Variants in POF1B observed in about 807,000 individuals in gnomAD.
POF1B encodes the protein protein POF1B.
Under a neutral mutation model 55.3 loss-of-function variants are expected in POF1B, and 53 were observed. That is an observed-to-expected ratio of 0.96 (90% confidence interval 0.77 to 1.20). POF1B has a LOEUF of 1.20. Ranked by LOEUF, POF1B falls within the 50% of genes most tolerant of loss-of-function variation. The pLI, the probability that POF1B is intolerant of heterozygous loss-of-function variation, is 0.00. For missense variants in POF1B, 478 were observed against 420.5 expected (o/e 1.14, Z -1.20); for synonymous variants, 188 against 148.3 (o/e 1.27, Z -1.95).
At chrX:85,314,642 G>T (rs902380478) in intron 8 of POF1B, 136 bp from the exon 9 acceptor site, 1 of 345,467 alleles carries the variant, frequency 2.9e-6, no homozygotes, top group Non-Finnish European at 4.8e-6. Context: ...CAGTTTCTAT[G>T]AGTTTAATTT....
Position 85,282,460 on chromosome X carries a change from T to TA in POF1B, c.1650-144dup, listed in dbSNP as rs936706852. On this transcript the variant is annotated intron_variant, in intron 15 of 16. Transcript: ENST00000262753. ...AACTGTTACTGAAAAAACAAAAAAA[T>TA]AAAAAAACCCTATTTCAATGGACAG... 50 of 317,976 alleles carry TA rather than the reference T, an allele frequency of 1.6e-4. No homozygotes were observed. The Middle Eastern group carries it at 4.3e-3, about 27-fold the overall frequency. The allele number at this position is 317,976 out of a possible 1,213,427, so 26.2% of individuals were successfully genotyped here. A position where few individuals can be genotyped will look rare whatever the true frequency, so the allele number is the denominator to read the frequency against.
intron 6 of POF1B, among the ~76,000 whole-genome samples, chrX:85,336,142 A>G (rs1420250289): frequency 9.0e-6 from 1 of 111,046 alleles, no homozygotes; most frequent in Non-Finnish European, 1.9e-5. Context: ...TTCACTTACT[A>G]TAATGTCCTC....
chrX:85,362,085 A>T (rs771301225), intron 3 of POF1B, among the ~76,000 whole-genome samples: 1 of 110,505 alleles, frequency 9.0e-6, no homozygotes, highest in East Asian at 2.9e-4. Context: ...GATTTTGCAC[A>T]TTGATTTGGT....
intron 6 of POF1B, among the ~76,000 whole-genome samples, chrX:85,340,382 A>C (rs989673664): frequency 1.8e-5 from 2 of 111,064 alleles, no homozygotes. Context: ...AATGGAAACC[A>C]GTGTGGCTTA....
intron 15 of POF1B, among the ~76,000 whole-genome samples, chrX:85,297,997 G>A (rs781269441): frequency 7.1e-5 from 8 of 112,288 alleles, no homozygotes; most frequent in Non-Finnish European, 1.5e-4. Context: ...CAACCTTGGG[G>A]CATTGGAACC....
chrX:85,304,613 T>C (rs1932530971), intron 13 of POF1B, 142 bp from the exon 14 acceptor site: 1 of 290,382 alleles, frequency 3.4e-6, no homozygotes, highest in Non-Finnish European at 5.7e-6. Flanking sequence ...GTTCGAAGAA[T>C]TTCATGAGTA....
At position 85,299,671 on chromosome X, in the gene POF1B, A is replaced by AT. The variant is rs1201515013; in HGVS notation, c.1649+3734dup. On this transcript the variant is annotated intron_variant, in intron 15 of 16. Coordinates refer to ENST00000262753, the MANE Select transcript of POF1B (RefSeq NM_024921.4). ...AGGTGCCCGCCACCACGCCTGGCTA[A>AT]TTTTTTTTTTGTATTTTTAGTAGAG... Among the ~76,000 whole-genome samples the AT allele has an allele frequency of 1.7e-3, 148 of 87,861 alleles. 1 individual carries two copies. The highest frequency in any genetic ancestry group is 3.5e-3 in the African/African-American group (82 of 23,200). The allele number at this position is 87,861 out of a possible 115,157, so 76.3% of individuals were successfully genotyped here.
At chrX:85,299,479 C>T (rs113325203) in intron 15 of POF1B, among the ~76,000 whole-genome samples, 3 of 100,356 alleles carry the variant, frequency 3.0e-5, no homozygotes, top group African/African-American at 3.8e-5. Context: ...TAGTAGAGAC[C>T]GGGTTTCACC....
In POF1B at chrX:85,279,086, C is replaced by A; in HGVS notation, c.*335G>T. 1 of 174,047 alleles carries A rather than the reference C, an allele frequency of 5.7e-6. No homozygotes were observed. Among genetic ancestry groups the A allele is most frequent in the Non-Finnish European group, 1.1e-5 (1 of 92,647 alleles). The allele number at this position is 174,047 out of a possible 1,213,427, so 14.3% of individuals were successfully genotyped here. On this transcript the variant is annotated 3_prime_UTR_variant, in exon 17 of 17. Coordinates refer to ENST00000262753, the MANE Select transcript of POF1B (RefSeq NM_024921.4). ...ATGACTTGTAAAATCTCTACCCCAACAAATTAGTTTGATATCTAGGAGTTA... is the reference window on the plus strand; with the variant it reads ...ATGACTTGTAAAATCTCTACCCCAAAAAATTAGTTTGATATCTAGGAGTTA...
At chrX:85,320,329 TC>T (rs1251182133) in intron 7 of POF1B, among the ~76,000 whole-genome samples, 1 of 110,435 alleles carries the variant, frequency 9.1e-6, no homozygotes, top group East Asian at 2.8e-4. Flanking sequence ...AACAACCTGC[TC>T]CTGAATGACT....
chrX:85,291,754 T>C (rs2147894473), intron 15 of POF1B, among the ~76,000 whole-genome samples: 1 of 111,096 alleles, frequency 9.0e-6, no homozygotes, highest in African/African-American at 3.3e-5. Flanking sequence ...ATGCTAGTGA[T>C]TTTTGCATAT....
rs764819350 is a variant in POF1B at position 85,302,503 on chromosome X, C to A, written c.1649+903G>T. On this transcript the variant is annotated intron_variant, in intron 15 of 16. Coordinates refer to ENST00000262753, the MANE Select transcript of POF1B (RefSeq NM_024921.4). ...ACACTACTAGGAATGTATGATGGTG[C>A]TTTTGCTTTAGAAAACAGTATGGCA... is the stretch of plus-strand genomic sequence containing the variant. Among the ~76,000 whole-genome samples the A allele has an allele frequency of 4.5e-5, 5 of 110,926 alleles. No individual in the cohort carries two copies. In the South Asian group the frequency reaches 1.9e-3, roughly 42 times the overall value.
intron 2 of POF1B, among the ~76,000 whole-genome samples, chrX:85,370,429 G>A (rs1336281001): frequency 9.0e-6 from 1 of 111,582 alleles, no homozygotes. Flanking sequence ...AAACATTAGA[G>A]AACAAATATA....
Position 85,331,006 on chromosome X carries a change from C to A in POF1B, c.797G>T (p.Arg266Leu). ...GCAGTGATATAGATCCGTATTCTTACGGCTCAGATCAGCAAGCAACTCTCC... is the reference window on the plus strand; with the variant it reads ...GCAGTGATATAGATCCGTATTCTTAAGGCTCAGATCAGCAAGCAACTCTCC... ...YFGELLADLS[R>L]KNTDLYHCLL... The change falls in exon 7 of 17, where the codon CGT becomes CTT. Residue 266 changes from arginine to leucine, a missense_variant. Arg to Leu is a moderately radical substitution (Grantham distance 102). Coordinates refer to ENST00000262753, the MANE Select transcript of POF1B (RefSeq NM_024921.4). 8.3e-7 allele frequency: 1 copy of A among 1,204,304 alleles called. No individual in the cohort carries two copies. The highest frequency in any genetic ancestry group is 1.1e-6 in the Non-Finnish European group (1 of 891,040).
chrX:85,369,161 C>A (rs995605967), intron 2 of POF1B, among the ~76,000 whole-genome samples: 5 of 111,826 alleles, frequency 4.5e-5, no homozygotes, highest in Non-Finnish European at 7.5e-5. Flanking sequence ...TTCTAGGAAT[C>A]TTTTGCATAT....
At chrX:85,369,519 T>C (rs752247940) in intron 2 of POF1B, among the ~76,000 whole-genome samples, 1 of 111,908 alleles carries the variant, frequency 8.9e-6, no homozygotes, top group East Asian at 2.8e-4. Flanking sequence ...TATGTATAAA[T>C]AGTAATATTA....
intron 14 of POF1B, 77 bp downstream of exon 14, chrX:85,304,266 A>G (rs1932521701): frequency 4.3e-6 from 4 of 934,728 alleles, no homozygotes; most frequent in Non-Finnish European, 5.5e-6. Flanking sequence ...TTTCTAGTCC[A>G]TGGGAAGTAT....
chrX:85,367,786 G>T lies in POF1B; in HGVS notation c.283-20C>A, dbSNP rs2147949957. The T allele has an allele frequency of 4.9e-6, 5 of 1,019,472 alleles. No homozygotes were observed. Among genetic ancestry groups the T allele is most frequent in the Middle Eastern group, 2.7e-4 (1 of 3,772 alleles). 84.0% of individuals were successfully genotyped at this position (1,019,472 alleles called of 1,213,427 possible). ...GAGTTCCTGTTAAGAGAAACAAAAG[G>T]GAGTTCAGAAATTATTTGAAAGTCT... On this transcript the variant is annotated intron_variant, in intron 2 of 16. Coordinates refer to ENST00000262753, the MANE Select transcript of POF1B (RefSeq NM_024921.4).
chrX:85,294,189 C>T (rs1047731903), intron 15 of POF1B, among the ~76,000 whole-genome samples: 1 of 111,235 alleles, frequency 9.0e-6, no homozygotes, highest in African/African-American at 3.3e-5. Flanking sequence ...GACTTCTTTT[C>T]TTAATTGGAT....
Sources: allele counts gnomAD v4.1 joint callset (sites outside exome capture counted in the v4.1 genomes callset), GRCh38; gene constraint gnomAD v4.1.1; transcripts MANE v1.5; gene names NCBI Gene and HGNC (gene_info 2026-07-23, HGNC 2026-07-21).